The following LRMDA variants were observed in gnomAD, a reference collection of about 807,000 sequenced individuals.
The protein encoded by LRMDA is leucine-rich melanocyte differentiation-associated protein.
Under a neutral mutation model 29.8 loss-of-function variants are expected in LRMDA, and 18 were observed. The observed-to-expected ratio is 0.60, with a 90% CI of 0.42 to 0.90. LRMDA has a LOEUF of 0.90. LRMDA is among the 40% of genes least tolerant of loss of function. The pLI, the probability that LRMDA is intolerant of heterozygous loss-of-function variation, is 0.00. For synonymous variants in LRMDA, 125 were observed against 109.4 expected (o/e 1.14, Z -0.89); for missense variants, 273 against 273.9 (o/e 1.00, Z 0.02).
chr10:76,227,015 A>C (rs1431376638), intron 5 of LRMDA, among the ~76,000 whole-genome samples: 2 of 152,242 alleles, frequency 1.3e-5, no homozygotes, highest in African/African-American at 2.4e-5. Flanking sequence ...CATATACTTT[A>C]GAAAAAAATA....
At chr10:75,921,412 G>A (rs1348654101) in intron 2 of LRMDA, among the ~76,000 whole-genome samples, 2 of 152,240 alleles carry the variant, frequency 1.3e-5, no homozygotes, top group Non-Finnish European at 2.9e-5. Context: ...CACTGCTGCA[G>A]ATATTCATGG....
intron 2 of LRMDA, among the ~76,000 whole-genome samples, chr10:75,887,916 T>C (rs1845417945): frequency 6.6e-6 from 1 of 152,202 alleles, no homozygotes. Context: ...CTGGAGATCC[T>C]GAGAGAATGA....
intron 5 of LRMDA, among the ~76,000 whole-genome samples, chr10:76,082,123 C>T (rs560300478): frequency 3.3e-5 from 5 of 152,116 alleles, no homozygotes; most frequent in African/African-American, 4.8e-5. Context: ...TTGAAATTCT[C>T]GGGATGCCAA....
intron 6 of LRMDA, among the ~76,000 whole-genome samples, chr10:76,528,307 C>T (rs998823353): frequency 3.3e-5 from 5 of 151,886 alleles, no homozygotes; most frequent in African/African-American, 7.3e-5. Context: ...GGCACATTCA[C>T]AGAACACAAT....
chr10:75,924,759 G>A (rs1846089838), intron 2 of LRMDA, among the ~76,000 whole-genome samples: 1 of 152,096 alleles, frequency 6.6e-6, no homozygotes, highest in Non-Finnish European at 1.5e-5. Flanking sequence ...GGCGCAGAGA[G>A]CAGCGCGGAG....
At chr10:75,740,920 T>C (rs1842821093) in intron 2 of LRMDA, among the ~76,000 whole-genome samples, 1 of 152,184 alleles carries the variant, frequency 6.6e-6, no homozygotes, top group Non-Finnish European at 1.5e-5. Context: ...CATTCATATA[T>C]ATATATATAT....
At chr10:75,791,934 A>G (rs1384018634) in intron 2 of LRMDA, among the ~76,000 whole-genome samples, 3 of 138,818 alleles carry the variant, frequency 2.2e-5, no homozygotes, top group Non-Finnish European at 4.5e-5. Context: ...ATCTCGGCTC[A>G]CTGCAAGCTC....
rs545043353 is a variant in LRMDA, at chr10:76,143,399, T to C, written c.516+84616T>C. The stretch of plus-strand genomic sequence containing the variant: ...GATTGCCATTCTAACTGGTGTGAGA[T>C]GATATCTCATTGTGGTTTTGATTTG... On this transcript the variant is annotated intron_variant, in intron 5 of 6. Coordinates refer to ENST00000611255, the MANE Select transcript of LRMDA (RefSeq NM_001305581.2). Among the ~76,000 whole-genome samples, 959 of 152,316 alleles carry C rather than the reference T, an allele frequency of 6.3e-3. 11 individuals carry two copies. The highest frequency in any genetic ancestry group is 0.022 in the African/African-American group (895 of 41,556).
At chr10:75,731,134 A>G (rs1564551889) in intron 2 of LRMDA, among the ~76,000 whole-genome samples, 1 of 152,232 alleles carries the variant, frequency 6.6e-6, no homozygotes, top group African/African-American at 2.4e-5. Context: ...AATGCAACAC[A>G]TGGTAACCCA....
At position 75,858,145 on chromosome 10, in the gene LRMDA, GC is replaced by G. The variant is rs889072306; in HGVS notation, c.132-177856del. Among the ~76,000 whole-genome samples, 6 of 152,066 alleles carry G rather than the reference GC, an allele frequency of 3.9e-5. No homozygotes were observed. The East Asian group carries it at 9.7e-4, about 25-fold the overall frequency. ...GCCTAGGTGGGGCACAGATTCTGAG[GC>G]CCCCCCGTACCAGCCCACCAGCAGT... is the stretch of plus-strand genomic sequence containing the variant. On this transcript the variant is annotated intron_variant, in intron 2 of 6. Transcript: ENST00000611255.
At chr10:75,824,023 C>A (rs1844209898) in intron 2 of LRMDA, among the ~76,000 whole-genome samples, 1 of 151,958 alleles carries the variant, frequency 6.6e-6, no homozygotes, top group Non-Finnish European at 1.5e-5. Flanking sequence ...GATGAAATAC[C>A]ACCTCTAGGG....
At chr10:75,528,701 G>A (rs1171148948) in intron 2 of LRMDA, among the ~76,000 whole-genome samples, 4 of 152,086 alleles carry the variant, frequency 2.6e-5, no homozygotes, top group Admixed American at 6.5e-5. Context: ...TTTAAGGATT[G>A]CTTGATGTTT....
intron 5 of LRMDA, among the ~76,000 whole-genome samples, chr10:76,169,825 T>A (rs1197190769): frequency 6.6e-6 from 1 of 152,046 alleles, no homozygotes; most frequent in Non-Finnish European, 1.5e-5. Flanking sequence ...CTCCAACACA[T>A]TGGGTGTGAT....
At chr10:76,102,332 A>T (rs1317757447) in intron 5 of LRMDA, among the ~76,000 whole-genome samples, 1 of 152,152 alleles carries the variant, frequency 6.6e-6, no homozygotes, top group African/African-American at 2.4e-5. Context: ...ACAGATTGTT[A>T]CCCAGGTAAT....
At chr10:75,864,035 GAACTAGAA>G (rs1382159072) in intron 2 of LRMDA, among the ~76,000 whole-genome samples, 2 of 152,144 alleles carry the variant, frequency 1.3e-5, no homozygotes, top group Non-Finnish European at 2.9e-5. Context: ...TGTGAACAGT[GAACTAGAA>G]GTCAATAGAC....
chr10:75,838,291 G>T (rs570451274), intron 2 of LRMDA, among the ~76,000 whole-genome samples: 2 of 152,236 alleles, frequency 1.3e-5, no homozygotes, highest in South Asian at 4.1e-4. Flanking sequence ...ATAATATCCA[G>T]CATTGCAAAT....
intron 2 of LRMDA, among the ~76,000 whole-genome samples, chr10:75,889,248 G>A (rs769509836): frequency 5.9e-5 from 9 of 152,298 alleles, no homozygotes; most frequent in Middle Eastern, 3.4e-3. Flanking sequence ...AAGCATGTGC[G>A]AAGGATAAAT....
intron 2 of LRMDA, among the ~76,000 whole-genome samples, chr10:75,721,277 G>A (rs1407036186): frequency 6.6e-6 from 1 of 152,128 alleles, no homozygotes; most frequent in African/African-American, 2.4e-5. Flanking sequence ...GGGGAGTGGG[G>A]TCTGTGTGGG....
chr10:75,490,624 C>A (rs908069561), intron 2 of LRMDA, among the ~76,000 whole-genome samples: 45 of 152,260 alleles, frequency 3.0e-4, no homozygotes, highest in African/African-American at 1.1e-3. Flanking sequence ...AGAGAGGAGA[C>A]TCAGGCCCTC....
Sources: gnomAD v4.1 joint callset for allele counts (sites outside exome capture counted in the v4.1 genomes callset) on GRCh38, gnomAD v4.1.1 for gene constraint, MANE v1.5 for transcripts, NCBI Gene and HGNC (gene_info 2026-07-23, HGNC 2026-07-21) for gene names.